Variants in ANO10 observed in about 807,000 individuals in gnomAD.
ANO10 encodes anoctamin 10.
Under a neutral mutation model 74.7 loss-of-function variants are expected in ANO10, and 77 were observed. The observed-to-expected ratio is 1.03, with a 90% CI of 0.86 to 1.25. The LOEUF is 1.25. Ranked by LOEUF, ANO10 falls within the 50% of genes most tolerant of loss-of-function variation. ANO10 has a pLI of 0.00. For missense variants in ANO10, 721 were observed against 778.1 expected (o/e 0.93, Z 0.87); for synonymous variants, 279 against 284.9 (o/e 0.98, Z 0.21).
intron 12 of ANO10, among the ~76,000 whole-genome samples, chr3:43,382,281 A>G (rs2091982202): frequency 6.6e-6 from 1 of 152,212 alleles, no homozygotes; most frequent in Admixed American, 6.5e-5. Context: ...GCACTTTGGG[A>G]GGCCGAGGCG....
intron 1 of ANO10, chr3:43,618,130 T>C (rs973086620): frequency 6.6e-6 from 1 of 152,214 alleles, no homozygotes; most frequent in Non-Finnish European, 1.5e-5. Flanking sequence ...GAATGGAGAA[T>C]CAGCCCCGCA....
At chr3:43,592,659 A>G (rs897222039) in intron 4 of ANO10, among the ~76,000 whole-genome samples, 2 of 152,248 alleles carry the variant, frequency 1.3e-5, no homozygotes, top group Non-Finnish European at 2.9e-5. Flanking sequence ...ACCAGAGCAG[A>G]AAAGCTGAAA....
At chr3:43,578,443 T>C (rs2081112122) in intron 5 of ANO10, among the ~76,000 whole-genome samples, 1 of 152,106 alleles carries the variant, frequency 6.6e-6, no homozygotes, top group African/African-American at 2.4e-5. Context: ...TTTCTCCCCT[T>C]ACTTTCTAAG....
intron 11 of ANO10, among the ~76,000 whole-genome samples, chr3:43,503,635 A>G (rs916755915): frequency 6.6e-5 from 10 of 152,244 alleles, no homozygotes; most frequent in Admixed American, 1.3e-4. Context: ...CATAACATAA[A>G]AAACGAATTT....
intron 11 of ANO10, among the ~76,000 whole-genome samples, chr3:43,450,327 G>C (rs982177980): frequency 6.6e-6 from 1 of 152,084 alleles, no homozygotes; most frequent in Non-Finnish European, 1.5e-5. Context: ...GAAGACCTGA[G>C]GTCAGGAGTT....
chr3:43,466,075 AAAC>A (rs200818007), intron 11 of ANO10, among the ~76,000 whole-genome samples: 1 of 152,142 alleles, frequency 6.6e-6, no homozygotes, highest in East Asian at 1.9e-4. Flanking sequence ...TGAAGAGTTA[AAAC>A]AACAGTAATT....
At chr3:43,491,926 A>G (rs1004923404) in intron 11 of ANO10, among the ~76,000 whole-genome samples, 1 of 152,208 alleles carries the variant, frequency 6.6e-6, no homozygotes, top group Non-Finnish European at 1.5e-5. Flanking sequence ...AAAGGTTGGA[A>G]GATGGCCAAA....
chr3:43,675,196 G>C (rs573925285), intron 1 of ANO10, among the ~76,000 whole-genome samples: 1 of 151,964 alleles, frequency 6.6e-6, no homozygotes, highest in Non-Finnish European at 1.5e-5. Flanking sequence ...ACAAAACCTC[G>C]ACCTAAACAT....
At chr3:43,586,231 G>C (rs1221740829) in intron 4 of ANO10, among the ~76,000 whole-genome samples, 1 of 152,082 alleles carries the variant, frequency 6.6e-6, no homozygotes, top group Non-Finnish European at 1.5e-5. Context: ...AGGAAGAAGA[G>C]CAAGTCTGCC....
intron 11 of ANO10, among the ~76,000 whole-genome samples, chr3:43,508,636 C>G (rs1471135354): frequency 2.0e-5 from 3 of 152,066 alleles, no homozygotes; most frequent in African/African-American, 4.8e-5. Context: ...GAGTTCATGT[C>G]CTTTGTGGGG....
intron 12 of ANO10, among the ~76,000 whole-genome samples, chr3:43,392,951 AGTGCAACT>A (rs1282197747): frequency 6.6e-6 from 1 of 152,210 alleles, no homozygotes; most frequent in Non-Finnish European, 1.5e-5. Flanking sequence ...CATTTTGCTT[AGTGCAACT>A]GAGGAACTGA....
intron 1 of ANO10, among the ~76,000 whole-genome samples, chr3:43,630,093 G>A (rs1485058066): frequency 2.0e-5 from 3 of 152,084 alleles, no homozygotes; most frequent in African/African-American, 7.2e-5. Context: ...AATGGGGAAG[G>A]GCAGTGTCTC....
intron 12 of ANO10, among the ~76,000 whole-genome samples, chr3:43,410,987 G>A (rs207463130): frequency 6.6e-6 from 1 of 151,764 alleles, no homozygotes; most frequent in East Asian, 1.9e-4. Flanking sequence ...CCTCCCTCAC[G>A]GGCTTACCTA....
chr3:43,371,440 T>C (rs2091608872), intron 12 of ANO10, among the ~76,000 whole-genome samples: 2 of 152,142 alleles, frequency 1.3e-5, no homozygotes, highest in South Asian at 2.1e-4. Context: ...TGGAGCATCA[T>C]GATCACCCAT....
chr3:43,373,764 C>T (rs1483794719), intron 12 of ANO10, among the ~76,000 whole-genome samples: 1 of 152,170 alleles, frequency 6.6e-6, no homozygotes, highest in Non-Finnish European at 1.5e-5. Flanking sequence ...AGCCACCTCC[C>T]AAATCTGGGA....
intron 12 of ANO10, among the ~76,000 whole-genome samples, chr3:43,377,237 C>T (rs77558810): frequency 0.024 from 3,681 of 152,142 alleles, 158 homozygotes; most frequent in African/African-American, 0.083. Flanking sequence ...TGGAGTGTGC[C>T]ACTACACCCA....
chr3:43,470,445 C>T (rs978634070), intron 11 of ANO10, among the ~76,000 whole-genome samples: 6 of 152,254 alleles, frequency 3.9e-5, no homozygotes, highest in African/African-American at 1.4e-4. Flanking sequence ...GCTCCGCCTC[C>T]GGGGTTCATG....
At chr3:43,553,247 G>A (rs2079568910) in intron 10 of ANO10, among the ~76,000 whole-genome samples, 1 of 152,134 alleles carries the variant, frequency 6.6e-6, no homozygotes, top group African/African-American at 2.4e-5. Flanking sequence ...TTGAAATGCT[G>A]TCTTTAGCTT....
chr3:43,422,823 G>A (rs1038640118), intron 12 of ANO10, among the ~76,000 whole-genome samples: 4 of 152,170 alleles, frequency 2.6e-5, no homozygotes, highest in Non-Finnish European at 5.9e-5. Context: ...TACATACATT[G>A]TTTACTGAGG....
Sources: allele counts gnomAD v4.1 joint callset (sites outside exome capture counted in the v4.1 genomes callset), GRCh38; gene constraint gnomAD v4.1.1; transcripts MANE v1.5; gene names NCBI Gene and HGNC (gene_info 2026-07-23, HGNC 2026-07-21).